The following CADM2 variants were observed in gnomAD, a reference collection of about 807,000 sequenced individuals.
CADM2 encodes immunoglobulin superfamily member 4D.
In CADM2, 12 loss-of-function variants were observed where a neutral mutation model predicts 49.8. The ratio of observed to expected loss-of-function variants is 0.24; its 90% CI spans 0.15 to 0.39. The LOEUF (loss-of-function observed/expected upper bound fraction) is 0.39. Among genes scored for constraint, CADM2 ranks in the 10% least tolerant of loss-of-function variants. CADM2 has a pLI of 1.00. For synonymous variants in CADM2, 214 were observed against 175.4 expected (o/e 1.22, Z -1.74); for missense variants, 378 against 492.3 (o/e 0.77, Z 2.20).
intron 1 of CADM2, among the ~76,000 whole-genome samples, chr3:85,276,604 C>A (rs1422857593): frequency 2.6e-5 from 4 of 151,030 alleles, no homozygotes; most frequent in Middle Eastern, 3.4e-3. Flanking sequence ...AACTAAAAAT[C>A]ACGATACTAT....
intron 1 of CADM2, among the ~76,000 whole-genome samples, chr3:85,561,485 G>A (rs1286770413): frequency 6.6e-6 from 1 of 152,156 alleles, no homozygotes; most frequent in Non-Finnish European, 1.5e-5. Context: ...GAATTTATTA[G>A]TTTAGAGACT....
intron 1 of CADM2, among the ~76,000 whole-genome samples, chr3:85,077,762 G>GT (rs1199846600): frequency 6.6e-6 from 1 of 151,886 alleles, no homozygotes; most frequent in African/African-American, 2.4e-5. Flanking sequence ...ATAAAGAAAA[G>GT]TTTTTTGTCA....
At chr3:85,200,943 A>T (rs1175981948) in intron 1 of CADM2, among the ~76,000 whole-genome samples, 2 of 152,114 alleles carry the variant, frequency 1.3e-5, no homozygotes, top group Non-Finnish European at 2.9e-5. Context: ...TCACTCTCTT[A>T]ATACAAATGT....
At chr3:85,796,146 C>A (rs1424540028) in intron 2 of CADM2, among the ~76,000 whole-genome samples, 1 of 152,150 alleles carries the variant, frequency 6.6e-6, no homozygotes, top group Non-Finnish European at 1.5e-5. Flanking sequence ...TGGGCTGAAC[C>A]ATGTATATTT....
At chr3:85,943,156 T>A (rs936607009) in intron 7 of CADM2, among the ~76,000 whole-genome samples, 1 of 151,022 alleles carries the variant, frequency 6.6e-6, no homozygotes, top group African/African-American at 2.5e-5. Flanking sequence ...TCTGTTCATG[T>A]CCTTCACCCA....
At chr3:85,902,229 T>C (rs1359229643) in intron 5 of CADM2, among the ~76,000 whole-genome samples, 1 of 152,062 alleles carries the variant, frequency 6.6e-6, no homozygotes, top group African/African-American at 2.4e-5. Context: ...ATACTTATAA[T>C]TGTTATATCT....
chr3:85,127,778 C>T (rs1162340345), intron 1 of CADM2, among the ~76,000 whole-genome samples: 1 of 152,054 alleles, frequency 6.6e-6, no homozygotes, highest in Admixed American at 6.6e-5. Context: ...AAGGGGCTCC[C>T]CTATCTCTGA....
chr3:85,595,256 C>T (rs1170222064), intron 1 of CADM2, among the ~76,000 whole-genome samples: 2 of 151,884 alleles, frequency 1.3e-5, no homozygotes, highest in African/African-American at 2.4e-5. Flanking sequence ...TGGAGGTGCC[C>T]TAAGGTTCAC....
intron 8 of CADM2, among the ~76,000 whole-genome samples, chr3:86,048,326 G>A (rs1736916960): frequency 6.6e-6 from 1 of 151,746 alleles, no homozygotes; most frequent in South Asian, 2.1e-4. Flanking sequence ...ATATATTTTT[G>A]ATGTTTTGTA....
chr3:85,933,461 C>A (rs2108532927), intron 6 of CADM2, among the ~76,000 whole-genome samples: 1 of 152,202 alleles, frequency 6.6e-6, no homozygotes, highest in South Asian at 2.1e-4. Context: ...CTGAGATTAC[C>A]ACCTGGCACA....
chr3:85,505,365 G>C (rs953940070), intron 1 of CADM2, among the ~76,000 whole-genome samples: 1 of 152,180 alleles, frequency 6.6e-6, no homozygotes, highest in Non-Finnish European at 1.5e-5. Flanking sequence ...CTTTCCTCTG[G>C]GGTGTAGCCA....
intron 1 of CADM2, among the ~76,000 whole-genome samples, chr3:85,113,425 T>C (rs1038687915): frequency 6.6e-6 from 1 of 152,068 alleles, no homozygotes; most frequent in Non-Finnish European, 1.5e-5. Flanking sequence ...CACCACTACA[T>C]TTTTTAGTGG....
chr3:85,831,231 G>C (rs1162989642), intron 3 of CADM2, among the ~76,000 whole-genome samples: 1 of 151,808 alleles, frequency 6.6e-6, no homozygotes, highest in East Asian at 1.9e-4. Context: ...TCTTTATCCA[G>C]TCCATGGGCA....
intron 2 of CADM2, among the ~76,000 whole-genome samples, chr3:85,788,373 AT>A (rs1463431643): frequency 6.6e-6 from 1 of 152,092 alleles, no homozygotes; most frequent in Non-Finnish European, 1.5e-5. Context: ...TATCTATGCC[AT>A]TTTGAAATTT....
chr3:85,414,280 A>C (rs2035811860), intron 1 of CADM2, among the ~76,000 whole-genome samples: 1 of 152,192 alleles, frequency 6.6e-6, no homozygotes, highest in South Asian at 2.1e-4. Flanking sequence ...TCTTTAACAA[A>C]ACCAAAGACT....
intron 1 of CADM2, among the ~76,000 whole-genome samples, chr3:85,316,586 GC>G (rs1244303034): frequency 6.6e-6 from 1 of 152,082 alleles, no homozygotes; most frequent in Non-Finnish European, 1.5e-5. Context: ...AATATATTCT[GC>G]TGGTCTTTAA....
intron 1 of CADM2, among the ~76,000 whole-genome samples, chr3:85,015,551 A>G (rs967547907): frequency 4.6e-5 from 7 of 152,220 alleles, no homozygotes; most frequent in Non-Finnish European, 8.8e-5. Flanking sequence ...TGCAAAATAT[A>G]TGCTAAGCAC....
chr3:85,879,727 T>C (rs891240052), intron 3 of CADM2, among the ~76,000 whole-genome samples: 1 of 152,186 alleles, frequency 6.6e-6, no homozygotes, highest in Non-Finnish European at 1.5e-5. Context: ...CTTGTGTACC[T>C]TTCACCCAAG....
intron 1 of CADM2, among the ~76,000 whole-genome samples, chr3:85,592,332 A>G (rs59326245): frequency 0.043 from 6,509 of 151,934 alleles, 465 homozygotes; most frequent in African/African-American, 0.15. Context: ...CTCAACATGT[A>G]CTCTTTCACA....
Sources: gnomAD v4.1 joint callset for allele counts (sites outside exome capture counted in the v4.1 genomes callset) on GRCh38, gnomAD v4.1.1 for gene constraint, MANE v1.5 for transcripts, NCBI Gene and HGNC (gene_info 2026-07-23, HGNC 2026-07-21) for gene names.